The following DNMBP variants were observed in gnomAD, a reference collection of about 807,000 sequenced individuals.
DNMBP encodes the protein dynamin-binding protein.
A neutral mutation model predicts 150.0 loss-of-function variants in DNMBP; 87 were observed. The ratio of observed to expected loss-of-function variants is 0.58; its 90% confidence interval spans 0.49 to 0.69. The LOEUF (loss-of-function observed/expected upper bound fraction) is 0.69. Ranked by LOEUF, DNMBP falls within the 30% of genes least tolerant of loss-of-function variation. The probability of loss-of-function intolerance (pLI) is 0.00; values close to 1 mark genes in which losing one functional copy is unlikely to be tolerated. For synonymous variants in DNMBP, 711 were observed against 750.4 expected, an observed-to-expected ratio of 0.95 and a Z score of 0.86; for missense variants, 1,774 against 1,949.0, an observed-to-expected ratio of 0.91 and a Z score of 1.69.
intron 1 of DNMBP, among the ~76,000 whole-genome samples, chr10:100,008,649 G>C (rs1337298717): frequency 6.6e-6 from 1 of 152,180 alleles, no homozygotes; most frequent in Non-Finnish European, 1.5e-5. Context: ...AATGAGTGAC[G>C]TGTTTCAAGT....
At chr10:99,999,897 G>GT (rs112041194) in intron 1 of DNMBP, among the ~76,000 whole-genome samples, 28 of 152,308 alleles carry the variant, frequency 1.8e-4, no homozygotes, top group African/African-American at 6.7e-4. Context: ...GTAGGCACTG[G>GT]TAAGTGTCAG....
chr10:99,877,591 C>T (rs1029652392), intron 16 of DNMBP, among the ~76,000 whole-genome samples: 1 of 152,082 alleles, frequency 6.6e-6, no homozygotes, highest in Non-Finnish European at 1.5e-5. Context: ...TGGCCGGGCA[C>T]GGTGGCTCAT....
At chr10:99,999,005 C>T (rs555468561) in intron 1 of DNMBP, among the ~76,000 whole-genome samples, 2 of 152,340 alleles carry the variant, frequency 1.3e-5, no homozygotes, top group Admixed American at 6.5e-5. Flanking sequence ...TCAGAGCTTT[C>T]TCCTTTCGGA....
chr10:99,949,282 A>T (rs754622440), intron 4 of DNMBP, among the ~76,000 whole-genome samples: 2 of 152,208 alleles, frequency 1.3e-5, no homozygotes, highest in Non-Finnish European at 2.9e-5. Flanking sequence ...GTGTGTGGGA[A>T]ATGACACACT....
At chr10:99,882,862 T>G (rs974582289) in intron 15 of DNMBP, among the ~76,000 whole-genome samples, 1 of 152,086 alleles carries the variant, frequency 6.6e-6, no homozygotes, top group Non-Finnish European at 1.5e-5. Context: ...GGTTAGGAGT[T>G]GGAGACCAGC....
intron 4 of DNMBP, chr10:99,914,227 CCTTT>C: frequency 1.3e-6 from 1 of 778,350 alleles, no homozygotes; most frequent in Non-Finnish European, 1.8e-6. Flanking sequence ...TCAACACCTT[CCTTT>C]CTATTTGGTG....
At chr10:99,910,580 T>G (rs7089008) in intron 4 of DNMBP, among the ~76,000 whole-genome samples, 46,586 of 152,082 alleles carry the variant, frequency 0.31, 7,937 homozygotes, top group Non-Finnish European at 0.38. Context: ...ACAACCCAAA[T>G]TCTGGTTTCT....
rs114457904 is a variant in DNMBP at position 99,955,825 on chromosome 10, G to A, written c.1649C>T (p.Ser550Leu). 2.6e-5 allele frequency: 42 copies of A among 1,614,090 alleles called. No homozygotes were observed. The highest frequency in any genetic ancestry group is 1.8e-4 in the East Asian group (8 of 44,888). The change falls in exon 4 of 17, where the codon TCG (serine) becomes TTG (leucine). Residue 550 changes from serine to leucine, a missense_variant. Around this residue, in one of 2 missense-constraint regions of DNMBP, gnomAD observed 1,430 missense variants for 1,492.5 expected, o/e 0.96. Transcript: ENST00000324109. ...CTCGATCAGCTGTTGTGTCAGCTTC[G>A]AGTCCAGGTCAGTGCTGCCGTCTCC... ...SQGDGSTDLD[S>L]KLTQQLIEFE...
At chr10:99,930,445 C>A in intron 4 of DNMBP, 1 of 703,014 alleles carries the variant, frequency 1.4e-6, no homozygotes, top group Non-Finnish European at 2.6e-6. Flanking sequence ...CTCTCATAAT[C>A]TACATTTTCT....
rs185962746 is a variant in DNMBP at position 99,997,335 on chromosome 10, G to A, written c.-11+12503C>T. Reference sequence around the variant, plus strand: ...ACATAGCAGTTGTAAAATTCCTTCTGAGGCAGAATGTTTTCAACTAGAGAT... The same window carrying A: ...ACATAGCAGTTGTAAAATTCCTTCTAAGGCAGAATGTTTTCAACTAGAGAT... On this transcript the variant is annotated intron_variant, in intron 1 of 16. Coordinates refer to ENST00000324109, the MANE Select transcript of DNMBP (RefSeq NM_015221.4). 6.6e-5 allele frequency among the ~76,000 whole-genome samples: 10 copies of A among 152,282 alleles called. No individual in the cohort carries two copies. In the East Asian group the frequency reaches 1.9e-3, roughly 29 times the overall value.
intron 4 of DNMBP, chr10:99,929,465 AAGG>A (rs2040120841): frequency 5.1e-6 from 3 of 585,840 alleles, no homozygotes; most frequent in Middle Eastern, 4.5e-4. Context: ...TTAAATCTCT[AAGG>A]TTGTTCTCAC....
rs78026888 is a variant in DNMBP at position 99,958,681 on chromosome 10, A to G, written c.269-1476T>C. Among the ~76,000 whole-genome samples, 400 of 152,358 alleles carry G rather than the reference A, an allele frequency of 2.6e-3. 3 individuals are homozygous for G. Among genetic ancestry groups the G allele is most frequent in the African/African-American group, 8.7e-3 (363 of 41,576 alleles). ...AGATTCTTCTGATGAGATAGTAACAAATATGATTTTTTCACATTGTATGTT... is the reference window on the plus strand; with the variant it reads ...AGATTCTTCTGATGAGATAGTAACAGATATGATTTTTTCACATTGTATGTT... On this transcript the variant is annotated intron_variant, in intron 3 of 16. Transcript: ENST00000324109.
chr10:99,934,351 G>A (rs2040199958), intron 4 of DNMBP, among the ~76,000 whole-genome samples: 1 of 149,874 alleles, frequency 6.7e-6, no homozygotes, highest in South Asian at 2.1e-4. Context: ...AGTGTAACTG[G>A]AGTAAGGCTT....
At chr10:99,877,399 G>T in intron 16 of DNMBP, 63 bp from the exon 17 acceptor site, 1 of 1,405,098 alleles carries the variant, frequency 7.1e-7, no homozygotes, top group Non-Finnish European at 9.8e-7. Flanking sequence ...ACAGCTTCGT[G>T]CGGTGTTGGG....
intron 4 of DNMBP, among the ~76,000 whole-genome samples, chr10:99,954,674 G>A (rs188451039): frequency 2.7e-5 from 4 of 150,736 alleles, no homozygotes; most frequent in African/African-American, 4.9e-5. Context: ...AACCTGGGAG[G>A]CAGAGGTTGT....
intron 4 of DNMBP, among the ~76,000 whole-genome samples, chr10:99,933,878 A>C (rs2040191940): frequency 6.6e-6 from 1 of 152,174 alleles, no homozygotes; most frequent in Admixed American, 6.5e-5. Flanking sequence ...CTGGGACTAC[A>C]GGCGCCCGCC....
intron 15 of DNMBP, among the ~76,000 whole-genome samples, chr10:99,882,218 G>T (rs1191370204): frequency 2.0e-5 from 3 of 152,198 alleles, no homozygotes; most frequent in African/African-American, 7.2e-5. Flanking sequence ...GCTGGGGGTG[G>T]TGGAAGGGGA....
At chr10:99,925,108 C>T (rs1331480406) in intron 4 of DNMBP, among the ~76,000 whole-genome samples, 1 of 152,164 alleles carries the variant, frequency 6.6e-6, no homozygotes, top group Non-Finnish European at 1.5e-5. Context: ...CTGTTGGCAG[C>T]CTCCCTCTGA....
chr10:99,957,247 C>G (rs756596254), intron 3 of DNMBP, 42 bp from the exon 4 acceptor site: 1 of 1,546,918 alleles, frequency 6.5e-7, no homozygotes, highest in Non-Finnish European at 8.7e-7. Flanking sequence ...CAGTCATCAC[C>G]CAGCAGAACA....
Sources: gnomAD v4.1 joint callset for allele counts (sites outside exome capture counted in the v4.1 genomes callset) on GRCh38, gnomAD v4.1.1 for gene constraint, gnomAD v4.1.1 regional missense constraint, MANE v1.5 for transcripts, NCBI Gene and HGNC (gene_info 2026-07-23, HGNC 2026-07-21) for gene names.